Variants in CLIP2 observed in about 807,000 individuals in gnomAD.
CLIP2 encodes the protein CAP-Gly domain-containing linker protein 2.
CLIP2 carries 41 observed loss-of-function variants against 111.7 expected under a neutral mutation model. The observed-to-expected ratio is 0.37, with a 90% CI of 0.29 to 0.48. The LOEUF is 0.48. Ranked by LOEUF, CLIP2 falls within the 20% of genes least tolerant of loss-of-function variation. CLIP2 has a pLI of 0.99. For synonymous variants in CLIP2, 660 were observed against 644.2 expected (o/e 1.02, Z -0.37); for missense variants, 1,160 against 1,422.1 (o/e 0.82, Z 2.96).
intron 9 of CLIP2, among the ~76,000 whole-genome samples, chr7:74,375,411 C>T (rs782319788): frequency 1.3e-5 from 2 of 151,434 alleles, no homozygotes; most frequent in African/African-American, 2.4e-5. Flanking sequence ...ATTCCCCAGG[C>T]GCATGGTGGT....
intron 14 of CLIP2, among the ~76,000 whole-genome samples, chr7:74,397,817 C>T (rs1584394461): frequency 2.0e-5 from 3 of 151,616 alleles, no homozygotes; most frequent in Admixed American, 6.6e-5. Flanking sequence ...CAGGCACCCG[C>T]CACCACGCCT....
intron 1 of CLIP2, among the ~76,000 whole-genome samples, chr7:74,300,659 T>C (rs1788311932): frequency 6.6e-6 from 1 of 151,614 alleles, no homozygotes; most frequent in Non-Finnish European, 1.5e-5. Flanking sequence ...GTTTTCACCG[T>C]GTTAGCCAGG....
intron 7 of CLIP2, among the ~76,000 whole-genome samples, chr7:74,362,528 C>CTTTTTTTTTTTTTTTTT (rs3044338): frequency 2.5e-5 from 3 of 121,976 alleles, no homozygotes; most frequent in Admixed American, 9.6e-5. Context: ...TTTTTCTTTT[C>CTTTTTTTTTTTTTTTTT]TTTTTTTTTT....
chr7:74,364,997 G>T (rs1180161496), intron 8 of CLIP2: 1 of 20,914 alleles, frequency 4.8e-5, no homozygotes, highest in South Asian at 7.5e-4. Flanking sequence ...TTTTTGTTGT[G>T]TGTGTGTGTG....
chr7:74,404,026 C>A lies in CLIP2; in HGVS notation c.*178C>A. 1.4e-6 allele frequency: 1 copy of A among 694,934 alleles called. No individual in the cohort carries two copies. 43.0% of individuals were successfully genotyped at this position (694,934 alleles called of 1,614,324 possible). A position where few individuals can be genotyped will look rare whatever the true frequency, so the allele number is the denominator to read the frequency against. ...ACCCCGATCCCTCGCCAGACCAGGA[C>A]GCTTCCTCAAGCCCAGCCTTCTACA... On this transcript the variant is annotated 3_prime_UTR_variant, in exon 17 of 17. Transcript: ENST00000223398.
chr7:74,383,080 C>CAA (rs556644763), intron 11 of CLIP2, among the ~76,000 whole-genome samples: 22 of 61,230 alleles, frequency 3.6e-4, no homozygotes, highest in South Asian at 5.5e-4. Flanking sequence ...ACCCTGTCAC[C>CAA]AAAAAAAAAA....
At chr7:74,353,787 G>A in intron 3 of CLIP2, 93 bp from the exon 4 acceptor site, 2 of 1,559,326 alleles carry the variant, frequency 1.3e-6, no homozygotes, top group Non-Finnish European at 1.8e-6. Flanking sequence ...CATGCTGGAA[G>A]GGATGGATGG....
chr7:74,374,587 G>A (rs1398288375), intron 9 of CLIP2, among the ~76,000 whole-genome samples: 1 of 152,058 alleles, frequency 6.6e-6, no homozygotes, highest in South Asian at 2.1e-4. Context: ...TGAGCGGGGT[G>A]GTGCACGCCT....
At chr7:74,297,911 C>G (rs1377315395) in intron 1 of CLIP2, among the ~76,000 whole-genome samples, 3 of 151,656 alleles carry the variant, frequency 2.0e-5, no homozygotes, top group Admixed American at 6.6e-5. Flanking sequence ...CTCCAGGGCT[C>G]AAGCGATCCA....
intron 1 of CLIP2, among the ~76,000 whole-genome samples, chr7:74,292,360 A>G (rs970135397): frequency 1.3e-5 from 2 of 152,074 alleles, no homozygotes; most frequent in Admixed American, 6.6e-5. Context: ...AAAAAAAAGT[A>G]TATATTAAGT....
intron 13 of CLIP2, among the ~76,000 whole-genome samples, chr7:74,392,842 C>G (rs1791330742): frequency 6.6e-6 from 1 of 152,062 alleles, no homozygotes; most frequent in African/African-American, 2.4e-5. Context: ...GTAATAAACA[C>G]AATTTTAAAA....
At position 74,335,643 on chromosome 7, in the gene CLIP2, T is replaced by TTTCCTTCCTTCCTTCCTTCC. The variant is rs199977061; in HGVS notation, c.122-2790_122-2771dup. Among the ~76,000 whole-genome samples, 706 of 137,934 alleles carry TTTCCTTCCTTCCTTCCTTCC rather than the reference T, an allele frequency of 5.1e-3. 9 individuals carry two copies. The highest frequency in any genetic ancestry group is 0.015 in the South Asian group (60 of 3,948). 90.5% of individuals were successfully genotyped at this position (137,934 alleles called of 152,430 possible). ...GTGTGAGCCACTGTGCCTGGCTTAT[T>TTTCCTTCCTTCCTTCCTTCC]TTCCTTCCTTCCTTCCTTCCTTCCT... On this transcript the variant is annotated intron_variant, in intron 2 of 16. Coordinates refer to ENST00000223398, the MANE Select transcript of CLIP2 (RefSeq NM_003388.5).
intron 1 of CLIP2, among the ~76,000 whole-genome samples, chr7:74,301,002 T>G (rs914210829): frequency 8.5e-5 from 13 of 152,216 alleles, no homozygotes; most frequent in Admixed American, 6.6e-4. Context: ...TTGAGAAATC[T>G]CTGCACCATT....
chr7:74,330,138 A>G (rs1637189), intron 2 of CLIP2, among the ~76,000 whole-genome samples: 92,185 of 150,730 alleles, frequency 0.61, 30,108 homozygotes, highest in Middle Eastern at 0.74. Flanking sequence ...TATGTTGCCC[A>G]GGCTGATCTT....
chr7:74,312,270 T>C (rs1554728626), intron 1 of CLIP2, among the ~76,000 whole-genome samples: 5 of 151,940 alleles, frequency 3.3e-5, no homozygotes. Flanking sequence ...AATGAAAGTT[T>C]GTTATTAGAT....
Position 74,338,522 on chromosome 7 carries a change from C to T in CLIP2, c.196C>T (p.Pro66Ser), listed in dbSNP as rs1473643968. 6.2e-7 allele frequency: 1 copy of T among 1,608,210 alleles called. No individual in the cohort carries two copies. The highest frequency in any genetic ancestry group is 1.1e-5 in the South Asian group (1 of 90,428). The change falls in exon 3 of 17, where the codon CCC (proline) becomes TCC (serine). Residue 66 changes from proline to serine, a missense_variant. Pro to Ser is a moderately conservative substitution (Grantham distance 74). Around this residue, in one of 5 missense-constraint regions of CLIP2, gnomAD observed 301 missense variants for 315.2 expected, o/e 0.96. Transcript: ENST00000223398. The surrounding 1 kb of genome is among the most constrained non-coding windows in gnomAD (Gnocchi z 4.3). ...AGCTGCTGCCCCCGAGAAGCCGGGC[C>T]CCAAGGCGGCGGAAGTGGGGGATGA... ...AAAAAPEKPG[P>S]KAAEVGDDFL...
At chr7:74,322,289 C>T (rs1489147613) in intron 2 of CLIP2, among the ~76,000 whole-genome samples, 2 of 151,586 alleles carry the variant, frequency 1.3e-5, no homozygotes, top group Non-Finnish European at 2.9e-5. Flanking sequence ...CTGTGACCGG[C>T]CTCCATTTTT....
chr7:74,373,096 T>C (rs894643870), intron 9 of CLIP2, 60 bp downstream of exon 9: 1 of 973,868 alleles, frequency 1.0e-6, no homozygotes, highest in African/African-American at 1.6e-5. Flanking sequence ...ATGCCCCCTC[T>C]GGCTTCTCTG....
chr7:74,319,619 A>T (rs1788887473), intron 2 of CLIP2, among the ~76,000 whole-genome samples: 1 of 151,808 alleles, frequency 6.6e-6, no homozygotes. Flanking sequence ...GGAGTTCCAG[A>T]CCAGCCTGGG....
Sources: gnomAD v4.1 joint callset for allele counts (sites outside exome capture counted in the v4.1 genomes callset) on GRCh38, gnomAD v4.1.1 for gene constraint, gnomAD v4.1.1 regional missense constraint, Gnocchi (gnomAD v3.1) non-coding constraint, MANE v1.5 for transcripts, NCBI Gene and HGNC (gene_info 2026-07-23, HGNC 2026-07-21) for gene names.